COL4A4: variants seen among roughly 807,000 people sequenced by gnomAD.
COL4A4 encodes the protein collagen type IV alpha 4 chain.
A neutral mutation model predicts 192.9 loss-of-function variants in COL4A4; 105 were observed. That is an observed-to-expected ratio of 0.54 (90% confidence interval 0.46 to 0.64). COL4A4 has a LOEUF of 0.64. Among genes scored for constraint, COL4A4 ranks in the 30% least tolerant of loss-of-function variants. The pLI, the probability that COL4A4 is intolerant of heterozygous loss-of-function variation, is 0.00. For missense variants in COL4A4, 1,967 were observed against 2,169.3 expected (o/e 0.91, Z 1.85); for synonymous variants, 762 against 769.9 (o/e 0.99, Z 0.17).
the COL4A4 span, among the ~76,000 whole-genome samples, chr2:226,974,404 A>AT: frequency 1.3e-5 from 2 of 151,774 alleles, no homozygotes; most frequent in East Asian, 2.0e-4. Context: ...GGCCTGGCTA[A>AT]TTTTTTGTAT....
chr2:227,125,110 G>A (rs144710539), intron 4 of COL4A4, among the ~76,000 whole-genome samples: 1,604 of 152,264 alleles, frequency 0.011, 33 homozygotes, highest in African/African-American at 0.036. Context: ...GAAAAAAGGC[G>A]TGGAAATATT....
intron 43 of COL4A4, among the ~76,000 whole-genome samples, chr2:227,023,450 A>G (rs543558076): frequency 3.3e-5 from 5 of 151,930 alleles, no homozygotes; most frequent in African/African-American, 1.2e-4. Context: ...TCAAAAAAAA[A>G]AAAAAGAAAA....
intron 34 of COL4A4, among the ~76,000 whole-genome samples, chr2:227,047,784 C>T (rs1027607893): frequency 7.0e-6 from 1 of 142,282 alleles, no homozygotes; most frequent in Non-Finnish European, 1.5e-5. Flanking sequence ...ACATCACAAT[C>T]ATAAGGATCT....
At chr2:227,162,952 C>T (rs1053452587) in intron 1 of COL4A4, among the ~76,000 whole-genome samples, 29 of 152,190 alleles carry the variant, frequency 1.9e-4, no homozygotes, top group African/African-American at 7.0e-4. Flanking sequence ...GTTTTGCCTA[C>T]CTGCATGGCT....
intron 1 of COL4A4, among the ~76,000 whole-genome samples, chr2:227,149,277 C>G (rs886846872): frequency 1.3e-5 from 2 of 152,186 alleles, no homozygotes; most frequent in Admixed American, 1.3e-4. Flanking sequence ...CAAGCAGAAA[C>G]TGAATCACTT....
downstream of COL4A4, among the ~76,000 whole-genome samples, chr2:227,001,639 A>G (rs1385033786): frequency 6.6e-6 from 1 of 152,138 alleles, no homozygotes. Context: ...CAGACAGACG[A>G]GGGTTTGGAT....
chr2:227,080,660 G>T, intron 23 of COL4A4, 111 bp from the exon 24 acceptor site: 1 of 887,850 alleles, frequency 1.1e-6, no homozygotes, highest in Non-Finnish European at 1.8e-6. Context: ...GTAGTTTCCT[G>T]TGTATCTCAA....
chr2:227,109,752 A>G (rs2150886554), intron 9 of COL4A4, among the ~76,000 whole-genome samples: 1 of 152,186 alleles, frequency 6.6e-6, no homozygotes, highest in Middle Eastern at 3.4e-3. Flanking sequence ...TCTCAAAAAA[A>G]AAAAAAAAGC....
At chr2:227,061,268 A>T (rs1198118050) in intron 26 of COL4A4, among the ~76,000 whole-genome samples, 1 of 152,232 alleles carries the variant, frequency 6.6e-6, no homozygotes. Context: ...ATACGGAATT[A>T]TATTTCCGCA....
intron 16 of COL4A4, 79 bp downstream of exon 16, chr2:227,101,786 A>C (rs2060538434): frequency 8.3e-7 from 1 of 1,207,320 alleles, no homozygotes; most frequent in Non-Finnish European, 1.2e-6. Context: ...TTTGCACGCA[A>C]CAGTACAACT....
chr2:227,144,022 A>G (rs2063388573), intron 3 of COL4A4, among the ~76,000 whole-genome samples: 1 of 152,248 alleles, frequency 6.6e-6, no homozygotes, highest in Non-Finnish European at 1.5e-5. Flanking sequence ...TATGTTCACT[A>G]GAGTGATTTA....
At chr2:227,084,446 G>A (rs763276893) in intron 22 of COL4A4, among the ~76,000 whole-genome samples, 9 of 152,168 alleles carry the variant, frequency 5.9e-5, no homozygotes, top group Admixed American at 2.0e-4. Flanking sequence ...AATGTATGAC[G>A]AATTGCTCTA....
chr2:227,047,731 CCACA>C (rs71036155), intron 34 of COL4A4, among the ~76,000 whole-genome samples, 182 bp from the exon 35 acceptor site: 180 of 146,340 alleles, frequency 1.2e-3, no homozygotes, highest in East Asian at 2.4e-3. Flanking sequence ...AATTTACATA[CCACA>C]CACACACACA....
downstream of COL4A4, among the ~76,000 whole-genome samples, chr2:227,002,168 C>CAA (rs55908824): frequency 1.2e-3 from 94 of 75,954 alleles, no homozygotes; most frequent in Middle Eastern, 7.7e-3. Flanking sequence ...GACCCTGTCT[C>CAA]AAAAAAAAAA....
intron 31 of COL4A4, among the ~76,000 whole-genome samples, chr2:227,053,542 T>C (rs1417224692): frequency 7.8e-6 from 1 of 127,646 alleles, no homozygotes; most frequent in Non-Finnish European, 1.6e-5. Context: ...TTTTTCTTTT[T>C]CTTTTTTTTT....
chr2:226,978,237 T>A, the COL4A4 span, among the ~76,000 whole-genome samples: 5 of 152,246 alleles, frequency 3.3e-5, no homozygotes, highest in African/African-American at 7.2e-5. Flanking sequence ...ATCTTTTTTT[T>A]AAAATTCAAA....
In COL4A4 at chr2:227,028,644, T is replaced by TTTATTATTA. The variant is rs56914189; in HGVS notation, c.3974-644_3974-636dup. Reference sequence around the variant, plus strand: ...GAAACTATGCTCTTTATAAAAGAAATTTATTATTATTATTATTATTATTAT... The same window carrying TTTATTATTA: ...GAAACTATGCTCTTTATAAAAGAAATTTATTATTATTATTATTATTATTATTATTATTAT... On this transcript the variant is annotated intron_variant, in intron 41 of 47. Transcript: ENST00000396625. Among the ~76,000 whole-genome samples the TTTATTATTA allele has an allele frequency of 9.7e-3, 1,380 of 141,862 alleles. 20 individuals are homozygous for TTTATTATTA. Among genetic ancestry groups the TTTATTATTA allele is most frequent in the African/African-American group, 0.029 (1,105 of 38,258 alleles). The allele number at this position is 141,862 out of a possible 152,430, so 93.1% of individuals were successfully genotyped here. A position where few individuals can be genotyped will look rare whatever the true frequency, so the allele number is the denominator to read the frequency against.
chr2:226,981,599 G>A, the COL4A4 span, among the ~76,000 whole-genome samples: 476 of 149,736 alleles, frequency 3.2e-3, 2 homozygotes, highest in Middle Eastern at 0.01. Flanking sequence ...TTCTCTAATG[G>A]GGAACAAGAT....
chr2:227,023,279 T>TAA (rs797020507), intron 43 of COL4A4, among the ~76,000 whole-genome samples: 2 of 137,274 alleles, frequency 1.5e-5, no homozygotes. Context: ...CATCTCTACT[T>TAA]AAAAAAAAAA....
Sources: gnomAD v4.1 joint callset for allele counts (sites outside exome capture counted in the v4.1 genomes callset) on GRCh38, gnomAD v4.1.1 for gene constraint, MANE v1.5 for transcripts, NCBI Gene and HGNC (gene_info 2026-07-23, HGNC 2026-07-21) for gene names.